Variants in CLRN2 observed in about 807,000 individuals in gnomAD.
CLRN2 encodes the protein clarin-2.
Under a neutral mutation model 20.1 loss-of-function variants are expected in CLRN2, and 17 were observed. The ratio of observed to expected loss-of-function variants is 0.85; its 90% confidence interval spans 0.58 to 1.27. The LOEUF (loss-of-function observed/expected upper bound fraction) is 1.27, where lower values mean the gene tolerates loss of function less well. CLRN2 is among the 50% of genes most tolerant of loss of function. The pLI, the probability that CLRN2 is intolerant of heterozygous loss-of-function variation, is 0.00. For missense variants in CLRN2, 288 were observed against 299.5 expected (o/e 0.96, Z 0.28); for synonymous variants, 140 against 126.9 (o/e 1.10, Z -0.70).
chr4:17,516,150 C>G (rs1444362782), intron 1 of CLRN2, among the ~76,000 whole-genome samples: 2 of 152,204 alleles, frequency 1.3e-5, no homozygotes, highest in African/African-American at 2.4e-5. Flanking sequence ...GGCTGAAACC[C>G]CTACTGGAAA....
intron 1 of CLRN2, among the ~76,000 whole-genome samples, chr4:17,518,621 C>G (rs553775985): frequency 1.3e-5 from 2 of 151,916 alleles, no homozygotes; most frequent in African/African-American, 2.4e-5. Flanking sequence ...ATTAGCCGGG[C>G]GTGGTGGCAG....
Position 17,515,495 on chromosome 4 carries a change from G to T in CLRN2, c.229G>T (p.Gly77Trp). 6.2e-7 allele frequency: 1 copy of T among 1,613,254 alleles called. No individual in the cohort carries two copies. Among genetic ancestry groups the T allele is most frequent in the Non-Finnish European group, 8.5e-7 (1 of 1,179,388 alleles). Residue 77 changes from glycine to tryptophan, a missense_variant, in exon 1 of 3, where the codon GGG becomes TGG. Gly to Trp is a radical substitution (Grantham distance 184, BLOSUM62 -2). Transcript: ENST00000511148. ...GTGTAAAGTGCGGCAGTGTGGGCTT[G>T]GGGGCCGCCAATCCCAATTCACGAG... ...RGCKVRQCGL[G>W]GRQSQFTIFP...
chr4:17,520,788 G>A (rs925414418), intron 1 of CLRN2, among the ~76,000 whole-genome samples: 4 of 152,192 alleles, frequency 2.6e-5, no homozygotes, highest in Non-Finnish European at 4.4e-5. Flanking sequence ...ATCCCAGCAC[G>A]GGCAGATCAC....
chr4:17,525,907 A>G (rs1711962820), intron 2 of CLRN2, among the ~76,000 whole-genome samples: 1 of 152,010 alleles, frequency 6.6e-6, no homozygotes. Context: ...AAGATATACT[A>G]ATCTTTTAAG....
Position 17,522,892 on chromosome 4 carries a change from C to G in CLRN2, c.282C>G (p.Asn94Lys). The stretch of plus-strand genomic sequence containing the variant: ...TCCCACACCTGGTGAAGGAGCTCAA[C>G]GCAGGCCTTCATGTGATGATTCTGC... ...TIFPHLVKEL[N>K]AGLHVMILLL... The change falls in exon 2 of 3, where the codon AAC becomes AAG. Residue 94 changes from asparagine (N) to lysine (K), a missense_variant. By Grantham distance (94) the Asn-to-Lys change is moderately conservative (BLOSUM62 0). Coordinates refer to ENST00000511148, the MANE Select transcript of CLRN2 (RefSeq NM_001079827.2). 1 of 1,613,952 alleles carries G rather than the reference C, an allele frequency of 6.2e-7. No individual in the cohort carries two copies. The highest frequency in any genetic ancestry group is 2.2e-5 in the East Asian group (1 of 44,874).
chr4:17,527,003 CG>C lies in CLRN2; in HGVS notation c.621del (p.Ile208SerfsTer?). On this transcript the variant is annotated frameshift_variant, in exon 3 of 3. Coordinates refer to ENST00000511148, the MANE Select transcript of CLRN2 (RefSeq NM_001079827.2). LOFTEE classifies it high-confidence loss of function. ...CATGCTGCAAACTTGGTCGTGGTGGCGATCAGTCAAATTCCCCTCCCTGAGA... is the reference window on the plus strand; with the variant it reads ...CATGCTGCAAACTTGGTCGTGGTGGCATCAGTCAAATTCCCCTCCCTGAGA... ...SAHAANLVVV[A>X]ISQIPLPEIK... 6.2e-7 allele frequency: 1 copy of C among 1,613,908 alleles called. No individual in the cohort carries two copies. Among genetic ancestry groups the C allele is most frequent in the Non-Finnish European group, 8.5e-7 (1 of 1,179,860 alleles).
intron 1 of CLRN2, among the ~76,000 whole-genome samples, chr4:17,517,389 T>C (rs1182015774): frequency 2.0e-5 from 3 of 152,080 alleles, no homozygotes; most frequent in Non-Finnish European, 4.4e-5. Flanking sequence ...AAGCTTCATA[T>C]TTTAGGGGTG....
rs1475548753 is a variant in CLRN2, at chr4:17,526,922, T to A, written c.539T>A (p.Val180Glu). The change falls in exon 3 of 3, where the codon GTG (valine) becomes GAG (glutamate). Residue 180 changes from valine (V) to glutamate (E), a missense_variant. Val to Glu is a moderately radical substitution (Grantham distance 121). Transcript: ENST00000511148. ...CAGGAGAAGCTCTTCCAGTTTGTGGTGGTGGAAGAACAGTATGAAGAGTCG... is the reference window on the plus strand; with the variant it reads ...CAGGAGAAGCTCTTCCAGTTTGTGGAGGTGGAAGAACAGTATGAAGAGTCG... ...NFQEKLFQFV[V>E]VEEQYEESFW... 1.1e-5 allele frequency: 18 copies of A among 1,613,872 alleles called. No homozygotes were observed. The highest frequency in any genetic ancestry group is 1.5e-5 in the Non-Finnish European group (18 of 1,179,892).
At chr4:17,517,560 A>G (rs981793629) in intron 1 of CLRN2, among the ~76,000 whole-genome samples, 8 of 152,092 alleles carry the variant, frequency 5.3e-5, no homozygotes, top group African/African-American at 1.9e-4. Context: ...ACAAATGCAT[A>G]TTTTGTTTGA....
Position 17,527,051 on chromosome 4 carries a change from C to T in CLRN2, c.668C>T (p.Ala223Val), listed in dbSNP as rs1417020148. 6.2e-7 allele frequency: 1 copy of T among 1,613,992 alleles called. No homozygotes were observed. The highest frequency in any genetic ancestry group is 8.5e-7 in the Non-Finnish European group (1 of 1,179,880). The change falls in exon 3 of 3, where the codon GCC becomes GTC. Residue 223 changes from alanine to valine, a missense_variant. Ala to Val is a moderately conservative substitution (Grantham distance 64, BLOSUM62 0). Coordinates refer to ENST00000511148, the MANE Select transcript of CLRN2 (RefSeq NM_001079827.2). The stretch of plus-strand genomic sequence containing the variant: ...GAGATTAAGACCAAAATCGAAGAGG[C>T]CACGGTCACAGCTGAGGATATCTTG... ...LPEIKTKIEE[A>V]TVTAEDILY
Position 17,515,177 on chromosome 4 carries a change from C to T in CLRN2, c.-90C>T, listed in dbSNP as rs1711625548. 6.6e-7 allele frequency: 1 copy of T among 1,510,530 alleles called. No individual in the cohort carries two copies. The highest frequency in any genetic ancestry group is 9.0e-7 in the Non-Finnish European group (1 of 1,110,616). The allele number at this position is 1,510,530 out of a possible 1,614,324, so 93.6% of individuals were successfully genotyped here. On this transcript the variant is annotated 5_prime_UTR_variant, in exon 1 of 3. Coordinates refer to ENST00000511148, the MANE Select transcript of CLRN2 (RefSeq NM_001079827.2). ...GAAACAGAGTGTTTGGAAGAGCTGA[C>T]CTTGGAGCAGAGCATTGCCGAGTAT...
In CLRN2 at chr4:17,522,768, C is replaced by T; in HGVS notation, c.254-96C>T. 2.2e-6 allele frequency: 3 copies of T among 1,341,698 alleles called. No homozygotes were observed. In the South Asian group the frequency reaches 4.1e-5, roughly 18 times the overall value. The allele number at this position is 1,341,698 out of a possible 1,614,324, so 83.1% of individuals were successfully genotyped here. A position where few individuals can be genotyped will look rare whatever the true frequency, so the allele number is the denominator to read the frequency against. Reference sequence around the variant, plus strand: ...CCACGCTTGCTGTCTTGCCCTCACCCCTGTCTGTCGAAGCCTTCGTGGTAA... The same window carrying T: ...CCACGCTTGCTGTCTTGCCCTCACCTCTGTCTGTCGAAGCCTTCGTGGTAA... On this transcript the variant is annotated intron_variant, in intron 1 of 2. Coordinates refer to ENST00000511148, the MANE Select transcript of CLRN2 (RefSeq NM_001079827.2).
chr4:17,516,518 C>T (rs1041145862), intron 1 of CLRN2, among the ~76,000 whole-genome samples: 3 of 152,016 alleles, frequency 2.0e-5, no homozygotes, highest in African/African-American at 4.8e-5. Flanking sequence ...AGGTAAATGT[C>T]GTATTAAATT....
chr4:17,520,389 C>T (rs952035609), intron 1 of CLRN2, among the ~76,000 whole-genome samples: 2 of 152,132 alleles, frequency 1.3e-5, no homozygotes, highest in African/African-American at 4.8e-5. Flanking sequence ...TATTCACATA[C>T]TGTTTTTTCT....
At chr4:17,520,125 C>T (rs1406952725) in intron 1 of CLRN2, among the ~76,000 whole-genome samples, 1 of 152,124 alleles carries the variant, frequency 6.6e-6, no homozygotes, top group Non-Finnish European at 1.5e-5. Flanking sequence ...TGCCCTTTGC[C>T]AATAAGTATT....
intron 2 of CLRN2, among the ~76,000 whole-genome samples, chr4:17,523,565 G>A (rs1360459117): frequency 6.6e-6 from 1 of 151,884 alleles, no homozygotes; most frequent in South Asian, 2.1e-4. Context: ...AGGGCTTAGA[G>A]CAGTGAAGAG....
chr4:17,527,071 A>G lies in CLRN2; in HGVS notation c.688A>G (p.Ile230Val). 7 of 1,613,884 alleles carry G rather than the reference A, an allele frequency of 4.3e-6. No individual in the cohort carries two copies. The highest frequency in any genetic ancestry group is 5.9e-6 in the Non-Finnish European group (7 of 1,179,868). ...IEEATVTAED[I>V]LY is the part of the protein sequence containing the mutation. ...AGAGGCCACGGTCACAGCTGAGGAT[A>G]TCTTGTATTAATAGCCTTCCCCTGT... is the stretch of plus-strand genomic sequence containing the variant. The change falls in exon 3 of 3, where the codon ATC (isoleucine) becomes GTC (valine). Residue 230 changes from isoleucine to valine, a missense_variant. Coordinates refer to ENST00000511148, the MANE Select transcript of CLRN2 (RefSeq NM_001079827.2).
intron 2 of CLRN2, among the ~76,000 whole-genome samples, chr4:17,525,059 A>C (rs10020773): frequency 0.28 from 41,890 of 152,196 alleles, 6,510 homozygotes; most frequent in African/African-American, 0.41. Context: ...GAAAAAGGTG[A>C]ATAGCCTTTG....
At chr4:17,523,165 CTAAGACCT>C (rs1370711220) in intron 2 of CLRN2, 122 bp downstream of exon 2, 1 of 628,092 alleles carries the variant, frequency 1.6e-6, no homozygotes, top group Non-Finnish European at 2.6e-6. Flanking sequence ...CTTCCTGGGT[CTAAGACCT>C]TCTTGATGGG....
Sources: allele counts gnomAD v4.1 joint callset (sites outside exome capture counted in the v4.1 genomes callset), GRCh38; gene constraint gnomAD v4.1.1; transcripts MANE v1.5; gene names NCBI Gene and HGNC (gene_info 2026-07-23, HGNC 2026-07-21).